The following GRIK1 variants were observed in gnomAD, a reference collection of about 807,000 sequenced individuals.
GRIK1 encodes glutamate ionotropic receptor kainate type subunit 1.
Under a neutral mutation model 105.7 loss-of-function variants are expected in GRIK1, and 69 were observed. The ratio of observed to expected loss-of-function variants is 0.65; its 90% confidence interval spans 0.54 to 0.80. GRIK1 has a LOEUF of 0.80. Among genes scored for constraint, GRIK1 ranks in the 30% least tolerant of loss-of-function variants. The pLI is 0.00. For synonymous variants in GRIK1, 438 were observed against 431.3 expected (o/e 1.02, Z -0.19); for missense variants, 1,109 against 1,167.3 (o/e 0.95, Z 0.73).
At chr21:29,644,010 G>A (rs2062568038) in intron 6 of GRIK1, among the ~76,000 whole-genome samples, 1 of 152,098 alleles carries the variant, frequency 6.6e-6, no homozygotes, top group African/African-American at 2.4e-5. Flanking sequence ...TATTTCTGGA[G>A]AGTAATAGGG....
At chr21:29,759,483 A>G (rs138642229) in intron 1 of GRIK1, among the ~76,000 whole-genome samples, 227 of 152,336 alleles carry the variant, frequency 1.5e-3, no homozygotes, top group Middle Eastern at 3.4e-3. Flanking sequence ...ACTAATTTAT[A>G]TGAAACACCT....
chr21:29,848,102 A>G (rs2068183354), intron 1 of GRIK1, among the ~76,000 whole-genome samples: 1 of 152,146 alleles, frequency 6.6e-6, no homozygotes, highest in African/African-American at 2.4e-5. Context: ...GTCTCAGCCA[A>G]TTCAAGTCCA....
intron 8 of GRIK1, chr21:29,597,681 G>A (rs1452290964): frequency 2.1e-6 from 1 of 465,934 alleles, no homozygotes; most frequent in Non-Finnish European, 4.5e-6. Flanking sequence ...GAAGATGGGA[G>A]AGACATTTTT....
At chr21:29,642,618 C>G (rs933797595) in intron 7 of GRIK1, among the ~76,000 whole-genome samples, 2 of 152,214 alleles carry the variant, frequency 1.3e-5, no homozygotes, top group Non-Finnish European at 2.9e-5. Flanking sequence ...CTGGTAGCGT[C>G]ACTGAACTTC....
chr21:29,654,033 C>G (rs1716451580), intron 5 of GRIK1, among the ~76,000 whole-genome samples: 1 of 152,152 alleles, frequency 6.6e-6, no homozygotes, highest in African/African-American at 2.4e-5. Flanking sequence ...GTTACTGACC[C>G]CCCCAGAATC....
At chr21:29,628,297 A>G (rs898761960) in intron 7 of GRIK1, among the ~76,000 whole-genome samples, 1 of 152,244 alleles carries the variant, frequency 6.6e-6, no homozygotes, top group African/African-American at 2.4e-5. Flanking sequence ...CTAGGATGTC[A>G]GCTATTTCAG....
rs34910439 is a variant in GRIK1, at chr21:29,541,575, C to CTTTTTT, written c.2608-3697_2608-3692dup. 7.3e-5 allele frequency among the ~76,000 whole-genome samples: 7 copies of CTTTTTT among 95,968 alleles called. 1 individual carries two copies. The highest frequency in any genetic ancestry group is 2.3e-4 in the Admixed American group (2 of 8,670). The allele number at this position is 95,968 out of a possible 152,430, so 63.0% of individuals were successfully genotyped here. On this transcript the variant is annotated intron_variant, in intron 16 of 17. Coordinates refer to ENST00000327783, the MANE Select transcript of GRIK1 (RefSeq NM_001330994.2). ...CTATGCCATTCATTGCACTCACGGT[C>CTTTTTT]TTTTTTTTTTTTTTTTTTTTTGTGG... is the stretch of plus-strand genomic sequence containing the variant.
intron 8 of GRIK1, among the ~76,000 whole-genome samples, chr21:29,596,948 A>G (rs927611864): frequency 6.6e-6 from 1 of 152,110 alleles, no homozygotes; most frequent in Non-Finnish European, 1.5e-5. Flanking sequence ...CAGCAAATCA[A>G]TCAATACACA....
At chr21:29,665,459 A>G (rs926200135) in intron 4 of GRIK1, among the ~76,000 whole-genome samples, 1 of 152,196 alleles carries the variant, frequency 6.6e-6, no homozygotes, top group African/African-American at 2.4e-5. Flanking sequence ...ATAAATTGAG[A>G]TTCATCATCA....
At chr21:29,886,942 G>A (rs778063255) in intron 1 of GRIK1, among the ~76,000 whole-genome samples, 26 of 152,160 alleles carry the variant, frequency 1.7e-4, no homozygotes, top group Non-Finnish European at 2.6e-4. Context: ...ATCAGTGAAA[G>A]TTAAAGAGAG....
chr21:29,850,067 G>A lies in GRIK1; in HGVS notation c.118+89316C>T, dbSNP rs76828957. Among the ~76,000 whole-genome samples, 279 of 152,266 alleles carry A rather than the reference G, an allele frequency of 1.8e-3. 6 individuals are homozygous for A. In the East Asian group the frequency reaches 0.029, roughly 16 times the overall value. ...GCAAATCTTAAAATAGCATATGCCC[G>A]TGAAGTTTATGTCATCCCTTTTTGG... is the stretch of plus-strand genomic sequence containing the variant. On this transcript the variant is annotated intron_variant, in intron 1 of 17. Coordinates refer to ENST00000327783, the MANE Select transcript of GRIK1 (RefSeq NM_001330994.2).
chr21:29,684,018 T>G (rs917474443), intron 3 of GRIK1, among the ~76,000 whole-genome samples: 6 of 152,234 alleles, frequency 3.9e-5, no homozygotes, highest in African/African-American at 1.4e-4. Context: ...CTGGTATCCT[T>G]ACATAAAACT....
intron 1 of GRIK1, among the ~76,000 whole-genome samples, chr21:29,837,034 C>T (rs541148492): frequency 1.1e-4 from 17 of 152,292 alleles, no homozygotes; most frequent in South Asian, 6.2e-4. Flanking sequence ...GACCCTTCAC[C>T]GTAAGTACAC....
chr21:29,723,518 A>G (rs975045049), intron 1 of GRIK1, among the ~76,000 whole-genome samples: 3 of 152,258 alleles, frequency 2.0e-5, no homozygotes, highest in Non-Finnish European at 4.4e-5. Flanking sequence ...GAGCTTATTG[A>G]AACAAATAGA....
At chr21:29,645,645 A>G (rs1011820055) in intron 6 of GRIK1, among the ~76,000 whole-genome samples, 1 of 152,178 alleles carries the variant, frequency 6.6e-6, no homozygotes, top group African/African-American at 2.4e-5. Context: ...CATTAACTAT[A>G]TTATAGCACT....
chr21:29,716,383 A>G (rs1360044405), intron 1 of GRIK1, among the ~76,000 whole-genome samples: 1 of 152,198 alleles, frequency 6.6e-6, no homozygotes, highest in Non-Finnish European at 1.5e-5. Context: ...TTAGAAAACA[A>G]CAGGAAAATG....
intron 16 of GRIK1, among the ~76,000 whole-genome samples, chr21:29,550,615 C>T (rs1271241666): frequency 1.3e-5 from 2 of 152,160 alleles, no homozygotes; most frequent in South Asian, 2.1e-4. Context: ...GTCCTTCTTT[C>T]GAGTGCAGTG....
At chr21:29,823,942 C>T (rs1260216580) in intron 1 of GRIK1, among the ~76,000 whole-genome samples, 3 of 151,640 alleles carry the variant, frequency 2.0e-5, no homozygotes, top group African/African-American at 7.3e-5. Context: ...ATGGGAATAC[C>T]ATGGAGGGTC....
At chr21:29,669,257 G>T (rs2063119789) in intron 4 of GRIK1, among the ~76,000 whole-genome samples, 1 of 152,234 alleles carries the variant, frequency 6.6e-6, no homozygotes, top group East Asian at 1.9e-4. Flanking sequence ...TATCTTTAAA[G>T]TGCCTTTGAT....
Sources: gnomAD v4.1 joint callset for allele counts (sites outside exome capture counted in the v4.1 genomes callset) on GRCh38, gnomAD v4.1.1 for gene constraint, MANE v1.5 for transcripts, NCBI Gene and HGNC (gene_info 2026-07-23, HGNC 2026-07-21) for gene names.